The following OR2M4 variants were observed in gnomAD, a reference collection of about 807,000 sequenced individuals.
The protein encoded by OR2M4 is olfactory receptor 2M4.
OR2M4 carries 8 observed loss-of-function variants against 13.7 expected under a neutral mutation model. The observed-to-expected ratio is 0.58, with a 90% confidence interval of 0.34 to 1.05. OR2M4 has a LOEUF of 1.05. OR2M4 is among the 50% of genes least tolerant of loss of function. OR2M4 has a pLI of 0.02. For synonymous variants in OR2M4, 152 were observed against 141.3 expected, an observed-to-expected ratio of 1.08 and a Z score of -0.53; for missense variants, 374 against 381.6, an observed-to-expected ratio of 0.98 and a Z score of 0.17.
At chr1:248,238,115 T>C (rs1666576555) in intron 1 of OR2M4, among the ~76,000 whole-genome samples, 1 of 152,172 alleles carries the variant, frequency 6.6e-6, no homozygotes. Context: ...TGTCAAAATG[T>C]GCCCCCATAG....
rs1386378191 is a variant in OR2M4, at chr1:248,240,539, T to TATA, written c.*678_*680dup. The TATA allele has an allele frequency of 6.6e-6, 1 of 152,200 alleles. No homozygotes were observed. The highest frequency in any genetic ancestry group is 2.4e-5 in the African/African-American group (1 of 41,444). 9.4% of individuals were successfully genotyped at this position (152,200 alleles called of 1,614,324 possible). ...CTGTATCATGTCTGCTTTTATTCCT[T>TATA]ATAATCCTTATATTAACCATCAGAA... On this transcript the variant is annotated 3_prime_UTR_variant, in exon 2 of 2. Coordinates refer to ENST00000641868, the MANE Select transcript of OR2M4 (RefSeq NM_017504.2).
In OR2M4 at chr1:248,239,266, T is replaced by A; in HGVS notation, c.338T>A (p.Phe113Tyr). Residue 113 changes from phenylalanine (F) to tyrosine (Y), a missense_variant, in exon 2 of 2, where the codon TTC (phenylalanine) becomes TAC (tyrosine). Physicochemically the swap from Phe to Tyr is conservative, Grantham distance 22. Transcript: ENST00000641868. ...GTGTCCCTGCTTGGAGCTGAATGTTTCTTGTTGGCTGTCATGGCTTATGAC... is the reference window on the plus strand; with the variant it reads ...GTGTCCCTGCTTGGAGCTGAATGTTACTTGTTGGCTGTCATGGCTTATGAC... The part of the protein sequence containing the change: ...FYVSLLGAEC[F>Y]LLAVMAYDRY... 6.2e-7 allele frequency: 1 copy of A among 1,614,048 alleles called. No homozygotes were observed. Among genetic ancestry groups the A allele is most frequent in the Non-Finnish European group, 8.5e-7 (1 of 1,179,990 alleles).
intron 1 of OR2M4, among the ~76,000 whole-genome samples, chr1:248,237,372 A>G (rs1666568483): frequency 6.6e-6 from 1 of 152,114 alleles, no homozygotes; most frequent in Non-Finnish European, 1.5e-5. Context: ...AACTCTCAAT[A>G]GCCAGGCACG....
At position 248,244,149 on chromosome 1, in the gene OR2M4, C is replaced by T. The variant is rs1666644014; in HGVS notation, c.*4285C>T. Reference sequence around the variant, plus strand: ...TGTGGAAAGCAGTTTGGAGATTTCTCGAAGAACTTAAAACAGGGCTGCTAC... The same window carrying T: ...TGTGGAAAGCAGTTTGGAGATTTCTTGAAGAACTTAAAACAGGGCTGCTAC... On this transcript the variant is annotated 3_prime_UTR_variant, in exon 2 of 2. Transcript: ENST00000641868. The T allele has an allele frequency of 1.3e-5, 2 of 152,110 alleles. No individual in the cohort carries two copies. Among genetic ancestry groups the T allele is most frequent in the Admixed American group, 1.3e-4 (2 of 15,274 alleles). The allele number at this position is 152,110 out of a possible 1,614,324, so 9.4% of individuals were successfully genotyped here.
intron 1 of OR2M4, among the ~76,000 whole-genome samples, chr1:248,233,916 A>G (rs979175325): frequency 3.3e-5 from 5 of 152,182 alleles, no homozygotes; most frequent in East Asian, 1.9e-4. Context: ...CAAAGACCTG[A>G]TGGTTGATTT....
intron 1 of OR2M4, among the ~76,000 whole-genome samples, chr1:248,235,166 T>C (rs1303948136): frequency 6.6e-6 from 1 of 152,232 alleles, no homozygotes; most frequent in African/African-American, 2.4e-5. Context: ...TAATCCATCT[T>C]GAGCTTATTT....
intron 1 of OR2M4, 150 bp from the exon 2 acceptor site, chr1:248,238,760 T>C (rs1475376375): frequency 1.7e-6 from 1 of 583,312 alleles, no homozygotes; most frequent in Non-Finnish European, 3.1e-6. Context: ...AATGGACTAA[T>C]CCACACAATT....
At chr1:248,236,012 G>A (rs926982802) in intron 1 of OR2M4, among the ~76,000 whole-genome samples, 6 of 151,960 alleles carry the variant, frequency 3.9e-5, no homozygotes, top group Admixed American at 6.6e-5. Context: ...TTAATGCCCC[G>A]ACCATAACTT....
intron 1 of OR2M4, among the ~76,000 whole-genome samples, chr1:248,235,862 CGTT>C (rs1666551716): frequency 6.6e-6 from 1 of 152,080 alleles, no homozygotes; most frequent in African/African-American, 2.4e-5. Context: ...TATCCTGAGA[CGTT>C]GTTGAAGTTG....
Position 248,240,085 on chromosome 1 carries a change from T to G in OR2M4, c.*221T>G. The stretch of plus-strand genomic sequence containing the variant: ...GTTTAATCCCTGTGAATGACAATTA[T>G]ATTATTAGGTGTCACACATGGGTGG... On this transcript the variant is annotated 3_prime_UTR_variant, in exon 2 of 2. Transcript: ENST00000641868. The G allele has an allele frequency of 2.5e-6, 1 of 398,720 alleles. No homozygotes were observed. Among genetic ancestry groups the G allele is most frequent in the South Asian group, 4.8e-5 (1 of 20,678 alleles). 24.7% of individuals were successfully genotyped at this position (398,720 alleles called of 1,614,324 possible). A position where few individuals can be genotyped will look rare whatever the true frequency, so the allele number is the denominator to read the frequency against.
At chr1:248,234,516 G>A (rs114348797) in intron 1 of OR2M4, among the ~76,000 whole-genome samples, 2 of 152,040 alleles carry the variant, frequency 1.3e-5, no homozygotes, top group African/African-American at 4.8e-5. Context: ...TGTTTCAACT[G>A]TTCAGTTCCC....
At chr1:248,236,968 C>T (rs533249809) in intron 1 of OR2M4, among the ~76,000 whole-genome samples, 2 of 152,274 alleles carry the variant, frequency 1.3e-5, no homozygotes, top group East Asian at 1.9e-4. Flanking sequence ...GATTCACAAC[C>T]TGATTCTATC....
rs1213995871 is a variant in OR2M4, at chr1:248,231,558, A to T, written c.-42A>T. ...TAAAGAACCCAGAACTGATTTGGCG[A>T]ATTTTCCCCTTGATCACCACCTGTG... On this transcript the variant is annotated 5_prime_UTR_variant, in exon 1 of 2. Coordinates refer to ENST00000641868, the MANE Select transcript of OR2M4 (RefSeq NM_017504.2). The T allele has an allele frequency of 1.3e-5, 2 of 152,178 alleles. No individual in the cohort carries two copies. Among genetic ancestry groups the T allele is most frequent in the Non-Finnish European group, 2.9e-5 (2 of 68,028 alleles). 9.4% of individuals were successfully genotyped at this position (152,178 alleles called of 1,614,324 possible). A position where few individuals can be genotyped will look rare whatever the true frequency, so the allele number is the denominator to read the frequency against.
chr1:248,237,312 A>G (rs1043353601), intron 1 of OR2M4, among the ~76,000 whole-genome samples: 9 of 152,172 alleles, frequency 5.9e-5, no homozygotes, highest in African/African-American at 2.2e-4. Context: ...GATTATCTCA[A>G]TAGACACAGA....
At chr1:248,237,814 A>G (rs4347239) in intron 1 of OR2M4, among the ~76,000 whole-genome samples, 104,454 of 152,146 alleles carry the variant, frequency 0.69, 36,962 homozygotes, top group South Asian at 0.89. Context: ...GCACGAGATG[A>G]GCCACGTTTC....
intron 1 of OR2M4, among the ~76,000 whole-genome samples, chr1:248,233,290 C>A (rs1363069027): frequency 6.6e-6 from 1 of 152,008 alleles, no homozygotes; most frequent in Non-Finnish European, 1.5e-5. Context: ...TGCCACATAC[C>A]ATTAAGATGT....
chr1:248,239,728 C>G lies in OR2M4; in HGVS notation c.800C>G (p.Thr267Arg). The G allele has an allele frequency of 1.2e-6, 2 of 1,614,040 alleles. No homozygotes were observed. The highest frequency in any genetic ancestry group is 3.3e-5 in the Admixed American group (2 of 59,988). Reference protein sequence around the residue: ...FMYMRPASKHTPDQDKMVSAF... With the variant: ...FMYMRPASKHRPDQDKMVSAF... ...TACATGAGACCAGCTTCTAAACATA[C>G]GCCAGACCAGGACAAGATGGTGTCG... Residue 267 changes from threonine to arginine, a missense_variant, in exon 2 of 2, where the codon ACG (threonine) becomes AGG (arginine). Thr to Arg is a moderately conservative substitution (Grantham distance 71). Transcript: ENST00000641868.
chr1:248,232,687 A>G (rs969183722), intron 1 of OR2M4, among the ~76,000 whole-genome samples: 8 of 152,106 alleles, frequency 5.3e-5, no homozygotes, highest in African/African-American at 1.7e-4. Flanking sequence ...GGATTTTACA[A>G]TTTCATGTGA....
chr1:248,239,564 A>C lies in OR2M4; in HGVS notation c.636A>C (p.Ser212=). 6.2e-7 allele frequency: 1 copy of C among 1,614,100 alleles called. No homozygotes were observed. The highest frequency in any genetic ancestry group is 1.1e-5 in the South Asian group (1 of 91,080). The change falls in exon 2 of 2, where the codon TCA becomes TCC. Residue 212 remains serine (S), a synonymous_variant. Transcript: ENST00000641868. ...TGGTAATGCTAATCTTTCCAGTTTC[A>C]GTTATCATACTTTCCTATTCCCATG... ...CCVVMLIFPV[S]VIILSYSHVL...
Sources: gnomAD v4.1 joint callset for allele counts (sites outside exome capture counted in the v4.1 genomes callset) on GRCh38, gnomAD v4.1.1 for gene constraint, MANE v1.5 for transcripts, NCBI Gene and HGNC (gene_info 2026-07-23, HGNC 2026-07-21) for gene names.